GRIK3: variants seen among roughly 807,000 people sequenced by gnomAD.
GRIK3 encodes glutamate ionotropic receptor kainate type subunit 3, also known as glutamate receptor ionotropic, kainate 3.
A neutral mutation model predicts 102.5 loss-of-function variants in GRIK3; 29 were observed. The ratio of observed to expected loss-of-function variants is 0.28; its 90% CI spans 0.21 to 0.39. The LOEUF is 0.39. Among genes scored for constraint, GRIK3 ranks in the 10% least tolerant of loss-of-function variants. The probability of loss-of-function intolerance (pLI) is 1.00; values close to 1 mark genes in which losing one functional copy is unlikely to be tolerated. For missense variants in GRIK3, 908 were observed against 1,252.4 expected (o/e 0.73, Z 4.15); for synonymous variants, 511 against 504.9 (o/e 1.01, Z -0.16).
chr1:36,884,461 C>A (rs948364133), intron 2 of GRIK3, among the ~76,000 whole-genome samples: 1 of 152,156 alleles, frequency 6.6e-6, no homozygotes, highest in Non-Finnish European at 1.5e-5. Flanking sequence ...CCCCGACAAC[C>A]TTGTCCCCTT....
chr1:37,027,862 A>G (rs1021929205), intron 1 of GRIK3, among the ~76,000 whole-genome samples: 2 of 152,192 alleles, frequency 1.3e-5, no homozygotes, highest in Admixed American at 1.3e-4. Context: ...AATACTGCAG[A>G]CAGAGAAGGG....
At chr1:36,874,724 T>G (rs897706401) in intron 3 of GRIK3, among the ~76,000 whole-genome samples, 1 of 152,214 alleles carries the variant, frequency 6.6e-6, no homozygotes, top group Non-Finnish European at 1.5e-5. Flanking sequence ...AGCAGGCATG[T>G]GGGCTTTGGG....
intron 12 of GRIK3, among the ~76,000 whole-genome samples, chr1:36,817,972 G>C (rs693892): frequency 6.6e-6 from 1 of 152,072 alleles, no homozygotes; most frequent in African/African-American, 2.4e-5. Flanking sequence ...TTTCTTCCCC[G>C]ACCTTAGGTG....
intron 7 of GRIK3, among the ~76,000 whole-genome samples, 165 bp downstream of exon 7, chr1:36,858,943 T>C (rs1242228407): frequency 1.3e-5 from 2 of 152,224 alleles, no homozygotes; most frequent in East Asian, 1.9e-4. Context: ...TTTGGTCCTA[T>C]GGAGCCCATT....
intron 1 of GRIK3, among the ~76,000 whole-genome samples, chr1:36,904,764 G>A (rs1246417063): frequency 2.6e-5 from 4 of 152,190 alleles, no homozygotes; most frequent in Admixed American, 2.6e-4. Context: ...ATGATGCAAA[G>A]TGGGTACAGA....
intron 1 of GRIK3, among the ~76,000 whole-genome samples, chr1:36,946,933 G>A (rs1641790993): frequency 6.6e-6 from 1 of 152,162 alleles, no homozygotes; most frequent in South Asian, 2.1e-4. Context: ...TGGCTCAGAA[G>A]GGGTAAGAAA....
chr1:36,919,933 C>T (rs1641448378), intron 1 of GRIK3, among the ~76,000 whole-genome samples: 1 of 152,220 alleles, frequency 6.6e-6, no homozygotes, highest in African/African-American at 2.4e-5. Flanking sequence ...CCATCCCTGC[C>T]ATCAGCAGAT....
At chr1:36,975,552 C>T (rs920766281) in intron 1 of GRIK3, among the ~76,000 whole-genome samples, 3 of 152,156 alleles carry the variant, frequency 2.0e-5, no homozygotes, top group African/African-American at 7.2e-5. Flanking sequence ...CTTGGCCTCC[C>T]AAAGTGCCGG....
intron 1 of GRIK3, among the ~76,000 whole-genome samples, chr1:36,955,281 G>T (rs1641892664): frequency 6.6e-6 from 1 of 152,206 alleles, no homozygotes; most frequent in Admixed American, 6.5e-5. Flanking sequence ...GACAGGAAGG[G>T]GCAGGTGTGG....
Position 36,895,248 on chromosome 1 carries a change from C to T in GRIK3, c.116-4152G>A, listed in dbSNP as rs116220273. 4.9e-3 allele frequency among the ~76,000 whole-genome samples: 738 copies of T among 152,078 alleles called. 4 individuals carry two copies. The highest frequency in any genetic ancestry group is 6.8e-3 in the Middle Eastern group (2 of 294). Reference sequence around the variant, plus strand: ...TATCAAGAAAAAATTACAGGGCATACTAAAAGGCATAAAAACCATAGTTTG... The same window carrying T: ...TATCAAGAAAAAATTACAGGGCATATTAAAAGGCATAAAAACCATAGTTTG... On this transcript the variant is annotated intron_variant, in intron 1 of 15. Transcript: ENST00000373091.
intron 1 of GRIK3, among the ~76,000 whole-genome samples, chr1:36,928,276 G>C (rs1208271481): frequency 6.6e-6 from 1 of 152,184 alleles, no homozygotes; most frequent in Non-Finnish European, 1.5e-5. Context: ...GTGCGAGGTA[G>C]CTGTAGCAAG....
At chr1:36,868,822 C>T (rs1640813878) in intron 5 of GRIK3, among the ~76,000 whole-genome samples, 1 of 152,202 alleles carries the variant, frequency 6.6e-6, no homozygotes, top group African/African-American at 2.4e-5. Flanking sequence ...TCAAACTTCC[C>T]GCCTTCCACC....
In GRIK3 at chr1:36,872,443, G is replaced by C; in HGVS notation, c.551-74C>G. ...CAGCTCCAGGCATCCACTTGGACTT[G>C]TGTGCACACACATGCCCATGGCCAC... On this transcript the variant is annotated intron_variant, in intron 3 of 15. Coordinates refer to ENST00000373091, the MANE Select transcript of GRIK3 (RefSeq NM_000831.4). This position sits in a 1 kb window ranked among gnomAD's most constrained non-coding sequence, Gnocchi z 5.9. The C allele has an allele frequency of 8.1e-7, 1 of 1,228,600 alleles. No individual in the cohort carries two copies. The highest frequency in any genetic ancestry group is 2.3e-5 in the Admixed American group (1 of 43,332). 76.1% of individuals were successfully genotyped at this position (1,228,600 alleles called of 1,614,324 possible). A position where few individuals can be genotyped will look rare whatever the true frequency, so the allele number is the denominator to read the frequency against.
chr1:36,888,898 C>T (rs1641072319), intron 2 of GRIK3, among the ~76,000 whole-genome samples: 1 of 152,106 alleles, frequency 6.6e-6, no homozygotes, highest in Non-Finnish European at 1.5e-5. Context: ...CTTCCTTGGG[C>T]ATGACCTATA....
chr1:36,853,912 T>A (rs1640617101), intron 7 of GRIK3, among the ~76,000 whole-genome samples, 190 bp from the exon 8 acceptor site: 1 of 152,216 alleles, frequency 6.6e-6, no homozygotes, highest in Non-Finnish European at 1.5e-5. Flanking sequence ...AATTCTATTA[T>A]GCTCTTTAGC....
chr1:36,833,303 C>A (rs547896693), intron 10 of GRIK3, among the ~76,000 whole-genome samples: 1 of 152,142 alleles, frequency 6.6e-6, no homozygotes, highest in Admixed American at 6.5e-5. Context: ...TGTGCCCTGG[C>A]CCCGGATGAA....
chr1:37,034,115 GCGC>G lies in GRIK3; in HGVS notation c.-10_-8del. The stretch of plus-strand genomic sequence containing the variant: ...GCCGCCAGGGAGCGGTCATCGTTGG[GCGC>G]CGCCGAGCGTGCCCGGGGCGCGGCC... On this transcript the variant is annotated 5_prime_UTR_variant, in exon 1 of 16. Coordinates refer to ENST00000373091, the MANE Select transcript of GRIK3 (RefSeq NM_000831.4). 1 of 1,487,480 alleles carries G rather than the reference GCGC, an allele frequency of 6.7e-7. No homozygotes were observed. Among genetic ancestry groups the G allele is most frequent in the Non-Finnish European group, 9.2e-7 (1 of 1,090,318 alleles). 92.1% of individuals were successfully genotyped at this position (1,487,480 alleles called of 1,614,324 possible). A position where few individuals can be genotyped will look rare whatever the true frequency, so the allele number is the denominator to read the frequency against.
At chr1:36,981,215 A>G (rs975080434) in intron 1 of GRIK3, among the ~76,000 whole-genome samples, 2 of 152,094 alleles carry the variant, frequency 1.3e-5, no homozygotes, top group Non-Finnish European at 2.9e-5. Context: ...GCCTTGGTCA[A>G]CTCGGGTTAT....
At chr1:37,001,351 T>C (rs1642473686) in intron 1 of GRIK3, among the ~76,000 whole-genome samples, 1 of 152,236 alleles carries the variant, frequency 6.6e-6, no homozygotes, top group Non-Finnish European at 1.5e-5. Flanking sequence ...CTCTCAAATT[T>C]AACAAGTTTA....
Sources: allele counts gnomAD v4.1 joint callset (sites outside exome capture counted in the v4.1 genomes callset), GRCh38; gene constraint gnomAD v4.1.1; non-coding constraint Gnocchi (gnomAD v3.1); transcripts MANE v1.5; gene names NCBI Gene and HGNC (gene_info 2026-07-23, HGNC 2026-07-21).